DUSP3: variants seen among roughly 807,000 people sequenced by gnomAD.
The protein encoded by DUSP3 is dual specificity phosphatase 3, also known as dual specificity protein phosphatase 3.
Under a neutral mutation model 15.5 loss-of-function variants are expected in DUSP3, and 7 were observed. That is an observed-to-expected ratio of 0.45 (90% CI 0.26 to 0.85). DUSP3 has a LOEUF of 0.85. Ranked by LOEUF, DUSP3 falls within the 40% of genes least tolerant of loss-of-function variation. The pLI is 0.18. For missense variants in DUSP3, 209 were observed against 251.7 expected (o/e 0.83, Z 1.15); for synonymous variants, 86 against 104.2 (o/e 0.83, Z 1.07).
intron 2 of DUSP3, among the ~76,000 whole-genome samples, chr17:43,772,445 T>G (rs564687859): frequency 6.6e-6 from 1 of 151,986 alleles, no homozygotes; most frequent in Non-Finnish European, 1.5e-5. Context: ...CAGTTCAACC[T>G]CCCATTCCTC....
Position 43,769,506 on chromosome 17 carries a change from T to C in DUSP3, c.*103A>G, listed in dbSNP as rs200282384. 7.5e-7 allele frequency: 1 copy of C among 1,341,460 alleles called. No individual in the cohort carries two copies. The highest frequency in any genetic ancestry group is 2.4e-5 in the East Asian group (1 of 41,972). The allele number at this position is 1,341,460 out of a possible 1,614,324, so 83.1% of individuals were successfully genotyped here. On this transcript the variant is annotated 3_prime_UTR_variant, in exon 3 of 3. Transcript: ENST00000226004. ...ACACTTGTAGACAAGTGCCTTGTGATGCTGGGAGCAGGGTACAGTGTGTTT... is the reference window on the plus strand; with the variant it reads ...ACACTTGTAGACAAGTGCCTTGTGACGCTGGGAGCAGGGTACAGTGTGTTT...
chr17:43,774,598 C>G lies in DUSP3; in HGVS notation c.352+114G>C, dbSNP rs1238112234. 3.3e-6 allele frequency: 4 copies of G among 1,195,202 alleles called. No homozygotes were observed. In the East Asian group the frequency reaches 1.0e-4, roughly 30 times the overall value. 74.0% of individuals were successfully genotyped at this position (1,195,202 alleles called of 1,614,324 possible). On this transcript the variant is annotated intron_variant, in intron 2 of 2. Coordinates refer to ENST00000226004, the MANE Select transcript of DUSP3 (RefSeq NM_004090.4). ...AGACCTACAGCTCTGTCGTTCACCCCAGAAGATGGGAAACAAGGGAGTTTC... is the reference window on the plus strand; with the variant it reads ...AGACCTACAGCTCTGTCGTTCACCCGAGAAGATGGGAAACAAGGGAGTTTC...
intron 2 of DUSP3, chr17:43,773,992 G>A (rs542228480): frequency 2.4e-4 from 46 of 193,912 alleles, no homozygotes; most frequent in African/African-American, 8.2e-4. Flanking sequence ...CCAGCTACTT[G>A]GGAGGCTGAG....
At chr17:43,774,505 T>C (rs1346929469) in intron 2 of DUSP3, among the ~76,000 whole-genome samples, 1 of 152,172 alleles carries the variant, frequency 6.6e-6, no homozygotes, top group East Asian at 1.9e-4. Context: ...GGGGCTGCCA[T>C]GGTGTGAATG....
At chr17:43,778,665 C>CT in intron 1 of DUSP3, 135 bp downstream of exon 1, 1 of 1,230,046 alleles carries the variant, frequency 8.1e-7, no homozygotes, top group Non-Finnish European at 1.1e-6. Context: ...CCTCCCAAGC[C>CT]CCCGCTGTGG....
At chr17:43,771,718 G>A (rs1016970064) in intron 2 of DUSP3, among the ~76,000 whole-genome samples, 1 of 151,504 alleles carries the variant, frequency 6.6e-6, no homozygotes, top group African/African-American at 2.4e-5. Flanking sequence ...TTCTTTAAGA[G>A]CAAGAAATGG....
At position 43,767,428 on chromosome 17, in the gene DUSP3, C is replaced by G. The variant is rs1381208230; in HGVS notation, c.*2181G>C. ...CTGGATTGAGGGTAAGTGCAGTACA[C>G]CTGGAGATCCCAGGGAGCCCCCTTC... On this transcript the variant is annotated 3_prime_UTR_variant, in exon 3 of 3. Transcript: ENST00000226004. The G allele has an allele frequency of 6.6e-6, 1 of 152,634 alleles. No homozygotes were observed. The allele number at this position is 152,634 out of a possible 1,614,324, so 9.5% of individuals were successfully genotyped here.
At chr17:43,778,755 C>A in intron 1 of DUSP3, 45 bp downstream of exon 1, 1 of 1,476,018 alleles carries the variant, frequency 6.8e-7, no homozygotes, top group East Asian at 2.9e-5. Flanking sequence ...GTGGGCGGGG[C>A]GTCCCGAGAG....
rs1322746654 is a variant in DUSP3 at position 43,768,841 on chromosome 17, C to T, written c.*768G>A. The T allele has an allele frequency of 2.0e-5, 3 of 151,864 alleles. No individual in the cohort carries two copies. The highest frequency in any genetic ancestry group is 7.2e-5 in the African/African-American group (3 of 41,464). The allele number at this position is 151,864 out of a possible 1,614,324, so 9.4% of individuals were successfully genotyped here. A position where few individuals can be genotyped will look rare whatever the true frequency, so the allele number is the denominator to read the frequency against. On this transcript the variant is annotated 3_prime_UTR_variant, in exon 3 of 3. Transcript: ENST00000226004. Reference sequence around the variant, plus strand: ...AGCATGCCCAAGGCATCACTCTTCTCAAAAACGAAGTGACTGAGATAAGAT... The same window carrying T: ...AGCATGCCCAAGGCATCACTCTTCTTAAAAACGAAGTGACTGAGATAAGAT...
chr17:43,776,948 A>T (rs888788474), intron 1 of DUSP3, among the ~76,000 whole-genome samples: 16 of 151,744 alleles, frequency 1.1e-4, no homozygotes, highest in Non-Finnish European at 2.2e-4. Flanking sequence ...CACTTTGAAG[A>T]GTCACTCCCA....
At chr17:43,777,709 G>A in intron 1 of DUSP3, 1 of 363,948 alleles carries the variant, frequency 2.7e-6, no homozygotes, top group Admixed American at 3.4e-5. Flanking sequence ...CCAACTTGAG[G>A]CTTTCCAAGG....
In DUSP3 at chr17:43,769,301, C is replaced by T; in HGVS notation, c.*308G>A. ...TAGGCCTTACACTTCCACACACCTC[C>T]TGCCGTGGGCCATCGGGAAGCATGC... is the stretch of plus-strand genomic sequence containing the variant. On this transcript the variant is annotated 3_prime_UTR_variant, in exon 3 of 3. Transcript: ENST00000226004. 1 of 362,868 alleles carries T rather than the reference C, an allele frequency of 2.8e-6. No homozygotes were observed. Among genetic ancestry groups the T allele is most frequent in the South Asian group, 3.3e-5 (1 of 30,620 alleles). 22.5% of individuals were successfully genotyped at this position (362,868 alleles called of 1,614,324 possible). A position where few individuals can be genotyped will look rare whatever the true frequency, so the allele number is the denominator to read the frequency against.
At position 43,768,937 on chromosome 17, in the gene DUSP3, A is replaced by C; in HGVS notation, c.*672T>G. ...CAAAGATTCACATTTTGAAAACTCT[A>C]TGGATTTAGGAGGGTTCTCCAGGTT... On this transcript the variant is annotated 3_prime_UTR_variant, in exon 3 of 3. Transcript: ENST00000226004. The C allele has an allele frequency of 6.6e-6, 1 of 152,326 alleles. No individual in the cohort carries two copies. The highest frequency in any genetic ancestry group is 1.9e-4 in the East Asian group (1 of 5,176). 9.4% of individuals were successfully genotyped at this position (152,326 alleles called of 1,614,324 possible). A position where few individuals can be genotyped will look rare whatever the true frequency, so the allele number is the denominator to read the frequency against.
intron 2 of DUSP3, among the ~76,000 whole-genome samples, chr17:43,772,986 C>T (rs919768747): frequency 1.3e-5 from 2 of 152,174 alleles, no homozygotes; most frequent in South Asian, 2.1e-4. Flanking sequence ...TGCTATTATA[C>T]GAGAACAACA....
rs1383972362 is a variant in DUSP3, at chr17:43,778,847, C to T, written c.78G>A (p.Pro26=). The T allele has an allele frequency of 2.6e-6, 4 of 1,531,486 alleles. No individual in the cohort carries two copies. The highest frequency in any genetic ancestry group is 2.7e-5 in the East Asian group (1 of 36,956). The allele number at this position is 1,531,486 out of a possible 1,614,324, so 94.9% of individuals were successfully genotyped here. A position where few individuals can be genotyped will look rare whatever the true frequency, so the allele number is the denominator to read the frequency against. ...LSDGSGCYSL[P]SQPCNEVTPR... is the part of the protein sequence containing the mutation. ...GGGTGACCTCGTTGCAGGGCTGGCTCGGGAGGCTGTAGCAGCCGCTGCCGT... is the reference window on the plus strand; with the variant it reads ...GGGTGACCTCGTTGCAGGGCTGGCTTGGGAGGCTGTAGCAGCCGCTGCCGT... Residue 26 remains proline (P), a synonymous_variant, in exon 1 of 3, where the codon CCG becomes CCA. Transcript: ENST00000226004.
intron 2 of DUSP3, among the ~76,000 whole-genome samples, chr17:43,771,887 G>A (rs1974324989): frequency 6.6e-6 from 1 of 152,000 alleles, no homozygotes; most frequent in African/African-American, 2.4e-5. Flanking sequence ...GCACATGCCT[G>A]TAATCCCAGC....
chr17:43,775,210 C>T (rs777412746), intron 1 of DUSP3, among the ~76,000 whole-genome samples: 1 of 152,132 alleles, frequency 6.6e-6, no homozygotes, highest in Non-Finnish European at 1.5e-5. Context: ...GAAATGCGCC[C>T]TCTCATCTTT....
At chr17:43,778,766 GGACGGC>G (rs1182259529) in intron 1 of DUSP3, 28 bp downstream of exon 1, 1 of 1,499,566 alleles carries the variant, frequency 6.7e-7, no homozygotes, top group African/African-American at 1.4e-5. Context: ...GTCCCGAGAG[GGACGGC>G]GGGGCCGGGC....
intron 1 of DUSP3, 125 bp downstream of exon 1, chr17:43,778,675 G>T: frequency 7.9e-7 from 1 of 1,270,046 alleles, no homozygotes; most frequent in Non-Finnish European, 1.0e-6. Flanking sequence ...CCCCGCTGTG[G>T]CTCCCGGAGG....
Sources: gnomAD v4.1 joint callset for allele counts (sites outside exome capture counted in the v4.1 genomes callset) on GRCh38, gnomAD v4.1.1 for gene constraint, MANE v1.5 for transcripts, NCBI Gene and HGNC (gene_info 2026-07-23, HGNC 2026-07-21) for gene names.